KCNMB2: variants seen among roughly 807,000 people sequenced by gnomAD.
KCNMB2 encodes the protein calcium-activated potassium channel subunit beta-2.
A neutral mutation model predicts 24.5 loss-of-function variants in KCNMB2; 9 were observed. The ratio of observed to expected loss-of-function variants is 0.37; its 90% confidence interval spans 0.22 to 0.64. The LOEUF is 0.64. Ranked by LOEUF, KCNMB2 falls within the 30% of genes least tolerant of loss-of-function variation. The pLI, the probability that KCNMB2 is intolerant of heterozygous loss-of-function variation, is 0.63. For missense variants in KCNMB2, 226 were observed against 284.3 expected (o/e 0.79, Z 1.47); for synonymous variants, 109 against 104.4 (o/e 1.04, Z -0.27).
intron 1 of KCNMB2, among the ~76,000 whole-genome samples, chr3:178,732,187 T>A (rs908476281): frequency 1.3e-5 from 2 of 152,228 alleles, no homozygotes; most frequent in Admixed American, 6.5e-5. Flanking sequence ...ACTAAGGAAT[T>A]ATTAAAATTT....
intron 1 of KCNMB2, among the ~76,000 whole-genome samples, chr3:178,665,652 G>T (rs949211131): frequency 6.6e-6 from 1 of 152,108 alleles, no homozygotes; most frequent in Non-Finnish European, 1.5e-5. Context: ...ATATGAGCAA[G>T]TTTATCCTCA....
At chr3:178,758,334 C>A (rs185507972) in intron 1 of KCNMB2, among the ~76,000 whole-genome samples, 1 of 13,286 alleles carries the variant, frequency 7.5e-5, no homozygotes, top group Non-Finnish European at 1.1e-4. Flanking sequence ...ATATATATAT[C>A]TCCAAGAGGG....
intron 1 of KCNMB2, among the ~76,000 whole-genome samples, chr3:178,691,410 C>T (rs1721671986): frequency 6.6e-6 from 1 of 151,964 alleles, no homozygotes; most frequent in East Asian, 1.9e-4. Context: ...TCTTCCCACC[C>T]TCCAACCTCT....
chr3:178,783,114 T>C (rs530974409), intron 1 of KCNMB2, among the ~76,000 whole-genome samples: 28 of 152,068 alleles, frequency 1.8e-4, no homozygotes, highest in Middle Eastern at 3.4e-3. Flanking sequence ...ATATACGGCG[T>C]TATTTCTGAG....
At chr3:178,765,055 G>A (rs1241995219) in intron 1 of KCNMB2, among the ~76,000 whole-genome samples, 1 of 152,152 alleles carries the variant, frequency 6.6e-6, no homozygotes, top group Non-Finnish European at 1.5e-5. Context: ...CGTAGTATGG[G>A]AATCTTCACT....
chr3:178,778,465 C>CACACACACAA, intron 1 of KCNMB2, among the ~76,000 whole-genome samples: 1 of 89,020 alleles, frequency 1.1e-5, no homozygotes, highest in South Asian at 3.5e-4. Flanking sequence ...GACACACACA[C>CACACACACAA]ACACACACAC....
Position 178,639,718 on chromosome 3 carries a change from C to T in KCNMB2, c.-68+103007C>T, listed in dbSNP as rs192614614. Among the ~76,000 whole-genome samples, 68 of 152,176 alleles carry T rather than the reference C, an allele frequency of 4.5e-4. No individual in the cohort carries two copies. The South Asian group carries it at 5.6e-3, about 13-fold the overall frequency. On this transcript the variant is annotated intron_variant, in intron 1 of 4. Coordinates refer to ENST00000452583, the MANE Select transcript of KCNMB2 (RefSeq NM_181361.3). ...TATTCTTCCACTCTCTGTGAGTTAT[C>T]ACTCACTTCTCAGGCCTCTTGGAAA... is the stretch of plus-strand genomic sequence containing the variant.
chr3:178,802,577 G>T (rs79194541), intron 1 of KCNMB2, among the ~76,000 whole-genome samples: 1,623 of 152,204 alleles, frequency 0.011, 9 homozygotes, highest in Non-Finnish European at 0.018. Flanking sequence ...GAACCTGAGA[G>T]GTTATAGTCA....
intron 1 of KCNMB2, among the ~76,000 whole-genome samples, chr3:178,660,920 TAGCAGC>T (rs1720502552): frequency 6.6e-6 from 1 of 152,112 alleles, no homozygotes; most frequent in Non-Finnish European, 1.5e-5. Flanking sequence ...TATGTCCCTC[TAGCAGC>T]ATTATATTGC....
chr3:178,825,723 G>T lies in KCNMB2; in HGVS notation c.192G>T (p.Leu64=). ...TGTGCTCCATCATGATGTATTTTCT[G>T]CTGGGAATCACACTCCTGCGCTCAT... ...MMVCSIMMYF[L]LGITLLRSYM... The change falls in exon 3 of 5, where the codon CTG becomes CTT. Residue 64 remains leucine (L), a synonymous_variant. Coordinates refer to ENST00000452583, the MANE Select transcript of KCNMB2 (RefSeq NM_181361.3). 1 of 1,613,776 alleles carries T rather than the reference G, an allele frequency of 6.2e-7. No homozygotes were observed. The highest frequency in any genetic ancestry group is 8.5e-7 in the Non-Finnish European group (1 of 1,179,802).
At chr3:178,752,320 A>AT (rs1242685062) in intron 1 of KCNMB2, among the ~76,000 whole-genome samples, 1 of 152,192 alleles carries the variant, frequency 6.6e-6, no homozygotes, top group Non-Finnish European at 1.5e-5. Flanking sequence ...AAAATCAAAC[A>AT]TTTTAACAGG....
At chr3:178,661,028 C>T (rs6801119) in intron 1 of KCNMB2, among the ~76,000 whole-genome samples, 15,575 of 151,558 alleles carry the variant, frequency 0.1, 945 homozygotes, top group Middle Eastern at 0.23. Flanking sequence ...GGGATACATG[C>T]GCAGAACGTG....
At chr3:178,562,856 A>G (rs1716373769) in intron 1 of KCNMB2, among the ~76,000 whole-genome samples, 1 of 152,244 alleles carries the variant, frequency 6.6e-6, no homozygotes, top group Non-Finnish European at 1.5e-5. Flanking sequence ...AAAGCGGGAC[A>G]AAGACAGTAA....
chr3:178,823,674 C>G (rs1343842188), intron 2 of KCNMB2, among the ~76,000 whole-genome samples: 1 of 152,156 alleles, frequency 6.6e-6, no homozygotes, highest in Non-Finnish European at 1.5e-5. Flanking sequence ...AAGGGATCAG[C>G]CAATCAGAAC....
At chr3:178,723,418 G>A (rs1462047178) in intron 1 of KCNMB2, among the ~76,000 whole-genome samples, 1 of 152,120 alleles carries the variant, frequency 6.6e-6, no homozygotes, top group Non-Finnish European at 1.5e-5. Flanking sequence ...AAATAAAATA[G>A]GCAGATGCTC....
At chr3:178,781,093 A>T (rs1712812021) in intron 1 of KCNMB2, among the ~76,000 whole-genome samples, 1 of 152,140 alleles carries the variant, frequency 6.6e-6, no homozygotes, top group African/African-American at 2.4e-5. Flanking sequence ...TTACATGATG[A>T]AATTGTAATA....
chr3:178,770,083 C>A (rs1712282500), intron 1 of KCNMB2, among the ~76,000 whole-genome samples: 1 of 152,156 alleles, frequency 6.6e-6, no homozygotes, highest in African/African-American at 2.4e-5. Flanking sequence ...CAAATCTTGA[C>A]ATATGTCTAC....
chr3:178,744,481 G>A (rs2108380962), intron 1 of KCNMB2, among the ~76,000 whole-genome samples: 1 of 152,262 alleles, frequency 6.6e-6, no homozygotes, highest in African/African-American at 2.4e-5. Context: ...CTTTCAAAAA[G>A]TTATTTCAGG....
At chr3:178,754,300 C>T (rs966126458) in intron 1 of KCNMB2, among the ~76,000 whole-genome samples, 1 of 151,460 alleles carries the variant, frequency 6.6e-6, no homozygotes, top group Non-Finnish European at 1.5e-5. Flanking sequence ...ACACAAGAGA[C>T]AGATATCTCT....
Sources: gnomAD v4.1 joint callset for allele counts (sites outside exome capture counted in the v4.1 genomes callset) on GRCh38, gnomAD v4.1.1 for gene constraint, MANE v1.5 for transcripts, NCBI Gene and HGNC (gene_info 2026-07-23, HGNC 2026-07-21) for gene names.